The following CAMTA1 variants were observed in gnomAD, a reference collection of about 807,000 sequenced individuals.
CAMTA1 encodes the protein calmodulin binding transcription activator 1.
CAMTA1 carries 27 observed loss-of-function variants against 170.9 expected under a neutral mutation model. That is an observed-to-expected ratio of 0.16 (90% CI 0.12 to 0.22). The LOEUF (loss-of-function observed/expected upper bound fraction) is 0.22. Ranked by LOEUF, CAMTA1 falls within the 10% of genes least tolerant of loss-of-function variation. The pLI is 1.00. For missense variants in CAMTA1, 1,619 were observed against 2,217.2 expected (o/e 0.73, Z 5.42); for synonymous variants, 833 against 891.5 (o/e 0.93, Z 1.17).
chr1:7,018,388 C>T (rs1055362467), intron 3 of CAMTA1, among the ~76,000 whole-genome samples: 2 of 152,126 alleles, frequency 1.3e-5, no homozygotes, highest in African/African-American at 4.8e-5. Flanking sequence ...GGTTGAATGT[C>T]TTTTGTCTCC....
intron 5 of CAMTA1, among the ~76,000 whole-genome samples, chr1:7,405,225 G>GT (rs2090201264): frequency 6.6e-6 from 1 of 152,136 alleles, no homozygotes; most frequent in Non-Finnish European, 1.5e-5. Flanking sequence ...TAGAGGACCA[G>GT]GCTTGGGGGC....
chr1:7,175,020 C>T (rs1650486297), intron 4 of CAMTA1, among the ~76,000 whole-genome samples: 1 of 152,150 alleles, frequency 6.6e-6, no homozygotes, highest in African/African-American at 2.4e-5. Flanking sequence ...AAAAAAATGT[C>T]ATAAGTTATC....
chr1:7,007,696 C>G lies in CAMTA1; in HGVS notation c.235-83608C>G, dbSNP rs1699204427. Among the ~76,000 whole-genome samples, 1 of 152,150 alleles carries G rather than the reference C, an allele frequency of 6.6e-6. No homozygotes were observed. Among genetic ancestry groups the G allele is most frequent in the Non-Finnish European group, 1.5e-5 (1 of 68,028 alleles). On this transcript the variant is annotated intron_variant, in intron 3 of 22. Transcript: ENST00000303635. The surrounding 1 kb of genome is among the most constrained non-coding windows in gnomAD (Gnocchi z 4.5). ...GAGGTGAGCTCCTTCTGAAAGGACC[C>G]CCTGTGGGGCTCCCGGGGCGTCGCT... is the stretch of plus-strand genomic sequence containing the variant.
At chr1:6,878,204 C>T (rs1571282859) in intron 3 of CAMTA1, among the ~76,000 whole-genome samples, 1 of 152,242 alleles carries the variant, frequency 6.6e-6, no homozygotes, top group African/African-American at 2.4e-5. Context: ...AATAGGTTGT[C>T]TTATAAACTA....
At chr1:7,367,747 GAC>G (rs1557599422) in intron 5 of CAMTA1, among the ~76,000 whole-genome samples, 1 of 152,264 alleles carries the variant, frequency 6.6e-6, no homozygotes, top group Non-Finnish European at 1.5e-5. Context: ...CAGATCATGA[GAC>G]ACTGGGCACT....
chr1:7,631,800 C>T (rs1423261451), intron 6 of CAMTA1, among the ~76,000 whole-genome samples: 1 of 152,192 alleles, frequency 6.6e-6, no homozygotes, highest in Non-Finnish European at 1.5e-5. Flanking sequence ...CTCCTGGCTA[C>T]CCTCAGTGGG....
chr1:7,460,444 T>C (rs1198427620), intron 5 of CAMTA1, among the ~76,000 whole-genome samples: 1 of 152,178 alleles, frequency 6.6e-6, no homozygotes, highest in African/African-American at 2.4e-5. Context: ...TCTACGAGAC[T>C]GGGGGAGGCT....
chr1:7,349,280 C>T (rs2084463016), intron 5 of CAMTA1, among the ~76,000 whole-genome samples: 1 of 152,288 alleles, frequency 6.6e-6, no homozygotes, highest in African/African-American at 2.4e-5. Flanking sequence ...TGTACGATAT[C>T]CCAGAGCATC....
At chr1:7,185,951 T>C (rs1653167402) in intron 4 of CAMTA1, among the ~76,000 whole-genome samples, 1 of 152,240 alleles carries the variant, frequency 6.6e-6, no homozygotes, top group South Asian at 2.1e-4. Flanking sequence ...TTCTTTTCTT[T>C]AGCTCTCAAG....
intron 9 of CAMTA1, among the ~76,000 whole-genome samples, chr1:7,668,438 A>G (rs867506472): frequency 7.6e-6 from 1 of 131,392 alleles, no homozygotes; most frequent in Non-Finnish European, 1.6e-5. Flanking sequence ...CACACCCACC[A>G]CACACCCCAG....
intron 5 of CAMTA1, among the ~76,000 whole-genome samples, chr1:7,277,837 C>G (rs1284801508): frequency 6.6e-6 from 1 of 151,204 alleles, no homozygotes; most frequent in African/African-American, 2.4e-5. Context: ...TTTTACTTGA[C>G]TCCATGTTAA....
At chr1:7,035,700 C>T (rs761507590) in intron 3 of CAMTA1, among the ~76,000 whole-genome samples, 2 of 152,142 alleles carry the variant, frequency 1.3e-5, no homozygotes, top group Non-Finnish European at 2.9e-5. Flanking sequence ...TAAGGATGCC[C>T]GAAGGGTCTG....
intron 3 of CAMTA1, among the ~76,000 whole-genome samples, chr1:6,898,765 T>TGCTTC (rs1676210351): frequency 6.6e-6 from 1 of 152,240 alleles, no homozygotes; most frequent in Admixed American, 6.5e-5. Context: ...AGCTTTGCTT[T>TGCTTC]GCTTCAACTG....
intron 3 of CAMTA1, among the ~76,000 whole-genome samples, chr1:6,920,921 TGA>T (rs1681870398): frequency 1.3e-5 from 2 of 152,224 alleles, no homozygotes; most frequent in Non-Finnish European, 2.9e-5. Context: ...TCTGGGCCTG[TGA>T]TGGAAGAGGC....
chr1:7,293,864 A>G lies in CAMTA1; in HGVS notation c.438+44238A>G, dbSNP rs1170951379. 6.6e-6 allele frequency among the ~76,000 whole-genome samples: 1 copy of G among 152,042 alleles called. No homozygotes were observed. Among genetic ancestry groups the G allele is most frequent in the Non-Finnish European group, 1.5e-5 (1 of 68,016 alleles). On this transcript the variant is annotated intron_variant, in intron 5 of 22. Coordinates refer to ENST00000303635, the MANE Select transcript of CAMTA1 (RefSeq NM_015215.4). The surrounding 1 kb of genome is among the most constrained non-coding windows in gnomAD (Gnocchi z 4.1). The stretch of plus-strand genomic sequence containing the variant: ...GGCATGCCCCGGGGGGCCTCTTTGG[A>G]GCCTGTTGGAGGAGATTTTGTAGTA...
intron 4 of CAMTA1, among the ~76,000 whole-genome samples, chr1:7,196,298 T>A (rs1655522558): frequency 6.6e-6 from 1 of 152,230 alleles, no homozygotes; most frequent in Admixed American, 6.5e-5. Context: ...TCCCAGTCTG[T>A]GAAGCCTGCA....
chr1:7,612,298 C>G (rs1443547116), intron 6 of CAMTA1, among the ~76,000 whole-genome samples: 2 of 152,170 alleles, frequency 1.3e-5, no homozygotes, highest in Admixed American at 6.5e-5. Context: ...GATGATTTTC[C>G]CCTGGAGTTT....
At chr1:7,469,619 G>T (rs968448517) in intron 6 of CAMTA1, among the ~76,000 whole-genome samples, 1 of 152,218 alleles carries the variant, frequency 6.6e-6, no homozygotes. Context: ...GGCAGCACCT[G>T]GAAGCTGGCA....
At chr1:7,149,621 G>A (rs971502098) in intron 4 of CAMTA1, among the ~76,000 whole-genome samples, 6 of 152,176 alleles carry the variant, frequency 3.9e-5, no homozygotes, top group African/African-American at 1.4e-4. Flanking sequence ...TGTTGGCGAT[G>A]CGAGTTTTTA....
Sources: allele counts gnomAD v4.1 joint callset (sites outside exome capture counted in the v4.1 genomes callset), GRCh38; gene constraint gnomAD v4.1.1; non-coding constraint Gnocchi (gnomAD v3.1); transcripts MANE v1.5; gene names NCBI Gene and HGNC (gene_info 2026-07-23, HGNC 2026-07-21).